The following LYST variants were observed in gnomAD, a reference collection of about 807,000 sequenced individuals.
The protein encoded by LYST is lysosomal trafficking regulator.
LYST carries 192 observed loss-of-function variants against 413.6 expected under a neutral mutation model. The observed-to-expected ratio is 0.46, with a 90% CI of 0.41 to 0.52. The LOEUF (loss-of-function observed/expected upper bound fraction) is 0.52, where lower values mean the gene tolerates loss of function less well. Ranked by LOEUF, LYST falls within the 20% of genes least tolerant of loss-of-function variation. LYST has a pLI of 0.00. For synonymous variants in LYST, 1,525 were observed against 1,567.3 expected, an observed-to-expected ratio of 0.97 and a Z score of 0.64; for missense variants, 3,815 against 4,499.9, an observed-to-expected ratio of 0.85 and a Z score of 4.35.
At position 235,762,703 on chromosome 1, in the gene LYST, A is replaced by G. The variant is rs1259264825; in HGVS notation, c.6253+17T>C. Reference sequence around the variant, plus strand: ...ACTAAAATGAGAAGGTCATACTTCCATTATTGCTATTTTTACCTTCATATG... The same window carrying G: ...ACTAAAATGAGAAGGTCATACTTCCGTTATTGCTATTTTTACCTTCATATG... On this transcript the variant is annotated intron_variant, in intron 22 of 52. Coordinates refer to ENST00000389793, the MANE Select transcript of LYST (RefSeq NM_000081.4). 6.2e-7 allele frequency: 1 copy of G among 1,610,868 alleles called. No individual in the cohort carries two copies. The highest frequency in any genetic ancestry group is 8.5e-7 in the Non-Finnish European group (1 of 1,177,398).
Position 235,759,060 on chromosome 1 carries a change from G to C in LYST, c.6793C>G (p.Leu2265Val), listed in dbSNP as rs149033064. Residue 2265 changes from leucine (L) to valine (V), a missense_variant, in exon 23 of 53, where the codon CTT becomes GTT. Transcript: ENST00000389793. ...CAATCATCAGTGTTTCTATCAACAA[G>C]ACTTGGCCAACGGCCAACAGCTGCA... is the stretch of plus-strand genomic sequence containing the variant. ...GSAAVGRWPSLVDRNTDDWEN... is the reference protein window; with the variant it reads ...GSAAVGRWPSVVDRNTDDWEN... The C allele has an allele frequency of 2.5e-6, 4 of 1,613,968 alleles. No individual in the cohort carries two copies. The African/African-American group carries it at 5.3e-5, about 22-fold the overall frequency.
At chr1:235,663,640 ATTAT>A (rs1167455898) in intron 52 of LYST, among the ~76,000 whole-genome samples, 1 of 152,192 alleles carries the variant, frequency 6.6e-6, no homozygotes, top group African/African-American at 2.4e-5. Flanking sequence ...AGAGTAACTG[ATTAT>A]TTATCTATTT....
At chr1:235,738,579 G>C (rs765831508) in intron 31 of LYST, 3 of 1,610,236 alleles carry the variant, frequency 1.9e-6, no homozygotes, top group Admixed American at 1.7e-5. Context: ...TGGGGAACAT[G>C]GAGATTCTAG....
chr1:235,734,789 G>A, intron 31 of LYST, 130 bp from the exon 32 acceptor site: 1 of 618,282 alleles, frequency 1.6e-6, no homozygotes, highest in Non-Finnish European at 2.8e-6. Flanking sequence ...ACCTACAAAA[G>A]ACATTCTGAG....
At chr1:235,811,981 A>G (rs1673493516) in intron 4 of LYST, among the ~76,000 whole-genome samples, 1 of 152,198 alleles carries the variant, frequency 6.6e-6, no homozygotes, top group South Asian at 2.1e-4. Context: ...AAATTCACTA[A>G]AAATACAGGA....
intron 46 of LYST, among the ~76,000 whole-genome samples, chr1:235,695,629 ATTT>A (rs148101450): frequency 0.38 from 44,182 of 116,042 alleles, 7,363 homozygotes; most frequent in Non-Finnish European, 0.46. Context: ...CAGTACTCTA[ATTT>A]TTTTTTTTTT....
rs71174459 is a variant in LYST at position 235,755,388 on chromosome 1, C to CAAAAGAAAAGAAAAGAAAAG, written c.7229+70_7229+89dup. 190 of 867,372 alleles carry CAAAAGAAAAGAAAAGAAAAG rather than the reference C, an allele frequency of 2.2e-4. 1 individual carries two copies. Among genetic ancestry groups the CAAAAGAAAAGAAAAGAAAAG allele is most frequent in the African/African-American group, 2.2e-3 (122 of 56,476 alleles). The allele number at this position is 867,372 out of a possible 1,614,324, so 53.7% of individuals were successfully genotyped here. A position where few individuals can be genotyped will look rare whatever the true frequency, so the allele number is the denominator to read the frequency against. ...TGGGCAACAGGGCGAGACTCCGTCT[C>CAAAAGAAAAGAAAAGAAAAG]AAAAGAAAAGAAAAGAAAAGAAAAG... is the stretch of plus-strand genomic sequence containing the variant. On this transcript the variant is annotated intron_variant, in intron 25 of 52. Transcript: ENST00000389793.
intron 39 of LYST, among the ~76,000 whole-genome samples, chr1:235,722,246 G>A (rs1663437169): frequency 6.6e-6 from 1 of 152,190 alleles, no homozygotes; most frequent in African/African-American, 2.4e-5. Flanking sequence ...GCTTTATCAG[G>A]TTATTGGAAG....
chr1:235,806,367 T>G lies in LYST; in HGVS notation c.2769A>C (p.Ser923=), dbSNP rs112739986. 278 of 1,614,054 alleles carry G rather than the reference T, an allele frequency of 1.7e-4. 1 individual carries two copies. In the African/African-American group the frequency reaches 3.0e-3, roughly 18 times the overall value. The change falls in exon 6 of 53, where the codon TCA becomes TCC. Residue 923 remains serine (S), a synonymous_variant. Transcript: ENST00000389793. The stretch of plus-strand genomic sequence containing the variant: ...TGCTGTCATAGCCAGAAGTATCTTC[T>G]GAGTCATTGGCCGACTCCCTGTCAG... ...AESDRESAND[S]EDTSGYDSTA...
chr1:235,688,750 C>T (rs997567226), intron 47 of LYST, among the ~76,000 whole-genome samples: 4 of 151,876 alleles, frequency 2.6e-5, no homozygotes, highest in Non-Finnish European at 5.9e-5. Context: ...TTTGGGAGGC[C>T]GAGGCGGGCG....
At chr1:235,870,992 A>T (rs899141076), upstream of LYST, among the ~76,000 whole-genome samples, 1 of 152,250 alleles carries the variant, frequency 6.6e-6, no homozygotes. Context: ...TCAGAATTAT[A>T]CAGATGAATA....
In LYST at chr1:235,753,115, A is replaced by G. The variant is rs768399491; in HGVS notation, c.7389T>C (p.Asp2463=). Residue 2463 remains aspartate, a synonymous_variant, in exon 26 of 53, where the codon GAT becomes GAC. Transcript: ENST00000389793. ...AGAGTAGACCATTATCCAGCAACAT[A>G]TCTGCTACCTTAGAACAAGAATTTA... ...QILNSCSKVA[D]MLLDNGLLYV... The G allele has an allele frequency of 3.2e-5, 52 of 1,609,014 alleles. No individual in the cohort carries two copies. The highest frequency in any genetic ancestry group is 3.7e-5 in the Non-Finnish European group (43 of 1,175,756).
intron 3 of LYST, among the ~76,000 whole-genome samples, chr1:235,821,112 T>A (rs1052464366): frequency 6.6e-6 from 1 of 152,214 alleles, no homozygotes; most frequent in Non-Finnish European, 1.5e-5. Context: ...GAATTATGCT[T>A]GTATTGGTCC....
Position 235,759,857 on chromosome 1 carries a change from GC to G in LYST, c.6254-259del, listed in dbSNP as rs564091086. Among the ~76,000 whole-genome samples, 43 of 152,066 alleles carry G rather than the reference GC, an allele frequency of 2.8e-4. No individual in the cohort carries two copies. In the East Asian group the frequency reaches 7.7e-3, roughly 27 times the overall value. On this transcript the variant is annotated intron_variant, in intron 22 of 52. Transcript: ENST00000389793. ...GCCTCTAACTCCTGGACTCAAGACA[GC>G]CTCCCACCTCAGACTCCAAGCAGCT...
At chr1:235,769,257 A>G (rs925811702) in intron 20 of LYST, among the ~76,000 whole-genome samples, 1 of 152,078 alleles carries the variant, frequency 6.6e-6, no homozygotes. Context: ...TAAAGCAAAA[A>G]GAATACCATG....
At position 235,677,074 on chromosome 1, in the gene LYST, G is replaced by C; in HGVS notation, c.11038+17C>G. The C allele has an allele frequency of 2.5e-6, 4 of 1,600,492 alleles. No homozygotes were observed. Among genetic ancestry groups the C allele is most frequent in the Non-Finnish European group, 3.4e-6 (4 of 1,167,766 alleles). ...GAGCACCAGCCAGCCCTGTGCTTTGGGTTGGAGCAAGCTCACCTGAATCAC... is the reference window on the plus strand; with the variant it reads ...GAGCACCAGCCAGCCCTGTGCTTTGCGTTGGAGCAAGCTCACCTGAATCAC... On this transcript the variant is annotated intron_variant, in intron 50 of 52. Coordinates refer to ENST00000389793, the MANE Select transcript of LYST (RefSeq NM_000081.4).
chr1:235,805,928 T>C lies in LYST; in HGVS notation c.3208A>G (p.Ile1070Val), dbSNP rs150321124. The C allele has an allele frequency of 1.1e-4, 182 of 1,613,796 alleles. No homozygotes were observed. The African/African-American group carries it at 1.2e-3, about 10-fold the overall frequency. ...DSLGKLELQH[I>V]SSINVEEVSA... ...ACTTCTTCCACATTTATGGAAGAAA[T>C]ATGCTGTAACTCTAATTTACCTAAA... Residue 1070 changes from isoleucine to valine, a missense_variant, in exon 6 of 53, where the codon ATT becomes GTT. By Grantham distance (29) the Ile-to-Val change is conservative. Coordinates refer to ENST00000389793, the MANE Select transcript of LYST (RefSeq NM_000081.4).
intron 3 of LYST, among the ~76,000 whole-genome samples, chr1:235,814,611 G>A (rs551468957): frequency 2.5e-4 from 38 of 152,218 alleles, no homozygotes; most frequent in African/African-American, 7.9e-4. Flanking sequence ...CATGATGGCC[G>A]AAAAGCATTT....
At chr1:235,840,290 G>A (rs917660313) in intron 1 of LYST, 3 of 152,204 alleles carry the variant, frequency 2.0e-5, no homozygotes, top group Non-Finnish European at 4.4e-5. Context: ...TACAGGTAAA[G>A]GGAGAAAAGA....
Sources: allele counts gnomAD v4.1 joint callset (sites outside exome capture counted in the v4.1 genomes callset), GRCh38; gene constraint gnomAD v4.1.1; transcripts MANE v1.5; gene names NCBI Gene and HGNC (gene_info 2026-07-23, HGNC 2026-07-21).